ATP9B: variants seen among roughly 807,000 people sequenced by gnomAD.
The protein encoded by ATP9B is ATPase phospholipid transporting 9B.
Under a neutral mutation model 146.1 loss-of-function variants are expected in ATP9B, and 110 were observed. The observed-to-expected ratio is 0.75, with a 90% CI of 0.65 to 0.88. The LOEUF is 0.88. ATP9B is among the 40% of genes least tolerant of loss of function. The pLI is 0.00. For synonymous variants in ATP9B, 604 were observed against 569.7 expected (o/e 1.06, Z -0.86); for missense variants, 1,499 against 1,496.4 (o/e 1.00, Z -0.03).
chr18:79,219,754 A>G (rs925811467), intron 11 of ATP9B, among the ~76,000 whole-genome samples: 4 of 152,080 alleles, frequency 2.6e-5, no homozygotes, highest in African/African-American at 9.7e-5. Flanking sequence ...GACCCTGACA[A>G]TTCACAAAAT....
chr18:79,097,498 A>ATTTTTTTTTTTTTTTT (rs1268067759), intron 2 of ATP9B, among the ~76,000 whole-genome samples: 1 of 137,262 alleles, frequency 7.3e-6, no homozygotes, highest in African/African-American at 2.7e-5. Context: ...TTATTTTTTT[A>ATTTTTTTTTTTTTTTT]TTTTTTATTT....
At chr18:79,130,266 T>C (rs1262766651) in intron 5 of ATP9B, among the ~76,000 whole-genome samples, 1 of 152,132 alleles carries the variant, frequency 6.6e-6, no homozygotes, top group Non-Finnish European at 1.5e-5. Flanking sequence ...TAGAGAATTA[T>C]CTAAAGGAAG....
At chr18:79,323,486 A>G (rs1039803313) in intron 15 of ATP9B, among the ~76,000 whole-genome samples, 8 of 152,064 alleles carry the variant, frequency 5.3e-5, no homozygotes, top group African/African-American at 9.7e-5. Context: ...TCTGGTAACC[A>G]TCATTCTACT....
At chr18:79,303,864 G>C in intron 14 of ATP9B, 148 bp downstream of exon 14, 1 of 544,984 alleles carries the variant, frequency 1.8e-6, no homozygotes, top group Non-Finnish European at 3.3e-6. Flanking sequence ...TCGAATATAC[G>C]AATCAGGAAA....
chr18:79,337,079 G>A (rs957827671), intron 18 of ATP9B, among the ~76,000 whole-genome samples, 200 bp from the exon 19 acceptor site: 6 of 142,066 alleles, frequency 4.2e-5, no homozygotes, highest in Non-Finnish European at 9.1e-5. Context: ...CACGGAGCAC[G>A]TACACGTGTG....
intron 15 of ATP9B, 22 bp from the exon 16 acceptor site, chr18:79,329,119 A>G (rs2096776571): frequency 5.9e-6 from 9 of 1,524,214 alleles, no homozygotes; most frequent in Non-Finnish European, 6.2e-6. Context: ...CGGTGGCCTC[A>G]GTTGTTGCTG....
intron 8 of ATP9B, among the ~76,000 whole-genome samples, chr18:79,190,789 A>G (rs1600305092): frequency 1.3e-5 from 2 of 151,912 alleles, no homozygotes; most frequent in African/African-American, 4.8e-5. Flanking sequence ...CATGTGATCC[A>G]CCTGCCACGG....
rs10853389 is a variant in ATP9B, at chr18:79,369,215, C to T, written c.3013-3610C>T. On this transcript the variant is annotated intron_variant, in intron 26 of 29. Transcript: ENST00000426216. Reference sequence around the variant, plus strand: ...AGATCGAGACCATCCTGGCCAACACCGTAAAACCCCGTCTCTACTAAAAAT... The same window carrying T: ...AGATCGAGACCATCCTGGCCAACACTGTAAAACCCCGTCTCTACTAAAAAT... Among the ~76,000 whole-genome samples the T allele has an allele frequency of 2.0e-5, 3 of 150,070 alleles. No homozygotes were observed. The South Asian group carries it at 6.3e-4, about 32-fold the overall frequency.
chr18:79,308,747 T>G (rs74402009), intron 15 of ATP9B, among the ~76,000 whole-genome samples: 11 of 91,018 alleles, frequency 1.2e-4, no homozygotes, highest in South Asian at 5.0e-4. Context: ...GGTCAGGGGC[T>G]GAGGAGTGAT....
chr18:79,327,752 T>A (rs1175071671), intron 15 of ATP9B, among the ~76,000 whole-genome samples: 6 of 131,578 alleles, frequency 4.6e-5, no homozygotes, highest in African/African-American at 1.2e-4. Context: ...CTCTCCGTGG[T>A]TAGCGTGCTC....
intron 25 of ATP9B, 140 bp downstream of exon 25, chr18:79,348,336 C>T (rs2096903572): frequency 1.3e-6 from 1 of 786,922 alleles, no homozygotes; most frequent in Admixed American, 2.7e-5. Flanking sequence ...GATGTAAAAA[C>T]AACATTTTAC....
chr18:79,152,286 A>G (rs72992362), intron 6 of ATP9B, among the ~76,000 whole-genome samples: 14,346 of 152,268 alleles, frequency 0.094, 846 homozygotes, highest in Non-Finnish European at 0.13. Flanking sequence ...ATAAGATTCA[A>G]TACTTTTTCA....
At chr18:79,231,778 G>GTATATA (rs781387419) in intron 11 of ATP9B, among the ~76,000 whole-genome samples, 74 of 121,296 alleles carry the variant, frequency 6.1e-4, no homozygotes, top group African/African-American at 1.1e-3. Context: ...GTGTGTGTGT[G>GTATATA]TATATATATA....
At chr18:79,199,941 G>T (rs1417475330) in intron 9 of ATP9B, among the ~76,000 whole-genome samples, 1 of 152,128 alleles carries the variant, frequency 6.6e-6, no homozygotes, top group Non-Finnish European at 1.5e-5. Flanking sequence ...CAGAACCCTG[G>T]AAGGACCTGC....
At chr18:79,200,764 T>TCAGGGTCAGAGCAGAGGCGGAGG (rs1568388923) in intron 9 of ATP9B, among the ~76,000 whole-genome samples, 1 of 3,874 alleles carries the variant, frequency 2.6e-4, no homozygotes, top group Non-Finnish European at 6.6e-4. Flanking sequence ...GGTGGGAACG[T>TCAGGGTCAGAGCAGAGGCGGAGG]TGGGGTCAGA....
chr18:79,220,128 A>G (rs1450625820), intron 11 of ATP9B, among the ~76,000 whole-genome samples: 1 of 152,162 alleles, frequency 6.6e-6, no homozygotes, highest in Non-Finnish European at 1.5e-5. Context: ...GTGATGGTGG[A>G]TGGCAGTGAG....
At chr18:79,126,866 G>A (rs547681718) in intron 5 of ATP9B, among the ~76,000 whole-genome samples, 3 of 152,204 alleles carry the variant, frequency 2.0e-5, no homozygotes, top group East Asian at 1.9e-4. Flanking sequence ...CTTCATTCAG[G>A]GCCTTAACTC....
At chr18:79,323,756 G>A (rs1051663326) in intron 15 of ATP9B, among the ~76,000 whole-genome samples, 11 of 152,174 alleles carry the variant, frequency 7.2e-5, no homozygotes, top group African/African-American at 1.7e-4. Context: ...GAACAGTGCC[G>A]CAGTACACGT....
intron 9 of ATP9B, among the ~76,000 whole-genome samples, chr18:79,193,473 G>A (rs1289518748): frequency 1.3e-5 from 2 of 152,052 alleles, no homozygotes; most frequent in South Asian, 2.1e-4. Context: ...ATTTTTTTTA[G>A]CATATTTACT....
Sources: gnomAD v4.1 joint callset for allele counts (sites outside exome capture counted in the v4.1 genomes callset) on GRCh38, gnomAD v4.1.1 for gene constraint, MANE v1.5 for transcripts, NCBI Gene and HGNC (gene_info 2026-07-23, HGNC 2026-07-21) for gene names.